Variants in STRADB observed in about 807,000 individuals in gnomAD.
STRADB encodes STE20-related kinase adapter protein beta.
A neutral mutation model predicts 52.1 loss-of-function variants in STRADB; 34 were observed. The observed-to-expected ratio is 0.65, with a 90% CI of 0.50 to 0.87. The LOEUF is 0.87. Ranked by LOEUF, STRADB falls within the 40% of genes least tolerant of loss-of-function variation. STRADB has a pLI of 0.00. For synonymous variants in STRADB, 133 were observed against 174.5 expected (o/e 0.76, Z 1.87); for missense variants, 340 against 483.9 (o/e 0.70, Z 2.79).
intron 3 of STRADB, among the ~76,000 whole-genome samples, chr2:201,466,588 A>G (rs1952308461): frequency 6.6e-6 from 1 of 152,226 alleles, no homozygotes; most frequent in South Asian, 2.1e-4. Flanking sequence ...AGATAGAATT[A>G]AATTTTATGT....
rs1952043134 is a variant in STRADB at position 201,451,758 on chromosome 2, G to A, written c.-276G>A. ...CGAATGCGTTCCCAGCGGGTAGCCTGGGACTGGTGCAGAGTTCCAAGCCCA... is the reference window on the plus strand; with the variant it reads ...CGAATGCGTTCCCAGCGGGTAGCCTAGGACTGGTGCAGAGTTCCAAGCCCA... On this transcript the variant is annotated 5_prime_UTR_variant, in exon 1 of 12. Transcript: ENST00000194530. The A allele has an allele frequency of 1.3e-5, 2 of 152,090 alleles. No individual in the cohort carries two copies. The highest frequency in any genetic ancestry group is 4.1e-4 in the South Asian group (2 of 4,842). The allele number at this position is 152,090 out of a possible 1,614,324, so 9.4% of individuals were successfully genotyped here.
rs1473435618 is a variant in STRADB at position 201,480,363 on chromosome 2, C to T, written c.*188C>T. 5.0e-6 allele frequency: 7 copies of T among 1,388,760 alleles called. No individual in the cohort carries two copies. Among genetic ancestry groups the T allele is most frequent in the East Asian group, 2.6e-5 (1 of 38,914 alleles). The allele number at this position is 1,388,760 out of a possible 1,614,324, so 86.0% of individuals were successfully genotyped here. On this transcript the variant is annotated 3_prime_UTR_variant, in exon 12 of 12. Transcript: ENST00000194530. ...TAGTCCCTCTGTTTCGCACAGAGTACTATGACAAGGAAACATCAGAATTAC... is the reference window on the plus strand; with the variant it reads ...TAGTCCCTCTGTTTCGCACAGAGTATTATGACAAGGAAACATCAGAATTAC...
chr2:201,456,153 C>T (rs1385579645), intron 2 of STRADB, among the ~76,000 whole-genome samples: 2 of 152,160 alleles, frequency 1.3e-5, no homozygotes, highest in African/African-American at 2.4e-5. Flanking sequence ...AGCATGAAAG[C>T]AGCCATAGGC....
chr2:201,479,827 G>A (rs1952542138), intron 11 of STRADB, among the ~76,000 whole-genome samples: 1 of 152,086 alleles, frequency 6.6e-6, no homozygotes, highest in Non-Finnish European at 1.5e-5. Context: ...AATGATGAAA[G>A]GGCAAAGTAA....
chr2:201,479,665 A>G, intron 11 of STRADB, 134 bp downstream of exon 11: 1 of 910,486 alleles, frequency 1.1e-6, no homozygotes. Flanking sequence ...AAAGTTAAAA[A>G]CAAGAAAACT....
chr2:201,480,330 C>G lies in STRADB; in HGVS notation c.*155C>G, dbSNP rs1952551233. 20 of 1,477,532 alleles carry G rather than the reference C, an allele frequency of 1.4e-5. No homozygotes were observed. The highest frequency in any genetic ancestry group is 1.8e-5 in the Non-Finnish European group (20 of 1,119,452). 91.5% of individuals were successfully genotyped at this position (1,477,532 alleles called of 1,614,324 possible). A position where few individuals can be genotyped will look rare whatever the true frequency, so the allele number is the denominator to read the frequency against. The stretch of plus-strand genomic sequence containing the variant: ...TAAAACCACTCTGTTCAAAGGGGCA[C>G]CAGTTTGTAGTCCCTCTGTTTCGCA... On this transcript the variant is annotated 3_prime_UTR_variant, in exon 12 of 12. Transcript: ENST00000194530.
intron 7 of STRADB, among the ~76,000 whole-genome samples, 184 bp downstream of exon 7, chr2:201,475,926 A>G (rs532697226): frequency 1.4e-4 from 21 of 152,170 alleles, no homozygotes; most frequent in Non-Finnish European, 2.4e-4. Context: ...TTCGCCAAAC[A>G]TGTTCAGACC....
chr2:201,457,018 A>T (rs1019802606), intron 2 of STRADB, among the ~76,000 whole-genome samples: 1 of 152,208 alleles, frequency 6.6e-6, no homozygotes, highest in Non-Finnish European at 1.5e-5. Flanking sequence ...ACAAAATTCC[A>T]GTCTCCCAGA....
Position 201,457,332 on chromosome 2 carries a change from A to G in STRADB, c.13-1452A>G, listed in dbSNP as rs374883242. On this transcript the variant is annotated intron_variant, in intron 2 of 11. Coordinates refer to ENST00000194530, the MANE Select transcript of STRADB (RefSeq NM_018571.6). ...GATATTTTCAATATGAACAACAGTAATAAGTATCTTCAAAAACTGTTTTAT... is the reference window on the plus strand; with the variant it reads ...GATATTTTCAATATGAACAACAGTAGTAAGTATCTTCAAAAACTGTTTTAT... 42 of 152,370 alleles carry G rather than the reference A, an allele frequency of 2.8e-4. 1 individual carries two copies. The East Asian group carries it at 5.6e-3, about 20-fold the overall frequency. 9.4% of individuals were successfully genotyped at this position (152,370 alleles called of 1,614,324 possible).
Position 201,478,396 on chromosome 2 carries a change from T to A in STRADB, c.865T>A (p.Leu289Met), listed in dbSNP as rs1447046787. ...QKLKGPPYSPLDISIFPQSES... is the reference protein window; with the variant it reads ...QKLKGPPYSPMDISIFPQSES... ...ACTGAAAGGTCCTCCTTATAGCCCATTGGATATCAGTATTTTCCCTCAATC... is the reference window on the plus strand; with the variant it reads ...ACTGAAAGGTCCTCCTTATAGCCCAATGGATATCAGTATTTTCCCTCAATC... The change falls in exon 10 of 12, where the codon TTG becomes ATG. Residue 289 changes from leucine (L) to methionine (M), a missense_variant. Transcript: ENST00000194530. The A allele has an allele frequency of 6.9e-5, 112 of 1,614,176 alleles. No homozygotes were observed. The highest frequency in any genetic ancestry group is 8.9e-5 in the Non-Finnish European group (105 of 1,180,036).
At chr2:201,475,777 T>A (rs777299833) in intron 7 of STRADB, 35 bp downstream of exon 7, 10 of 1,559,540 alleles carry the variant, frequency 6.4e-6, no homozygotes, top group African/African-American at 5.6e-5. Flanking sequence ...AATGAAATAA[T>A]TTTAATGGAA....
intron 3 of STRADB, among the ~76,000 whole-genome samples, chr2:201,466,919 AAAGGTATGTTTCACCAC>A (rs1952313287): frequency 6.6e-6 from 1 of 152,206 alleles, no homozygotes; most frequent in African/African-American, 2.4e-5. Context: ...AAACATACAG[AAAGGTATGTTTCACCAC>A]AAGTAAAAGT....
intron 4 of STRADB, among the ~76,000 whole-genome samples, chr2:201,470,542 C>T (rs1952373430): frequency 1.3e-5 from 2 of 152,264 alleles, no homozygotes; most frequent in East Asian, 1.9e-4. Flanking sequence ...TATTTAGAAA[C>T]ATCTATTAAA....
At chr2:201,465,704 C>G (rs1385871064) in intron 3 of STRADB, among the ~76,000 whole-genome samples, 1 of 152,222 alleles carries the variant, frequency 6.6e-6, no homozygotes, top group African/African-American at 2.4e-5. Flanking sequence ...ATGGCCTAGA[C>G]TACCTTTCAA....
Position 201,475,351 on chromosome 2 carries a change from A to AT in STRADB, c.425-268_425-267insT, listed in dbSNP as rs1322720994. ...TTGCTTCTGGATTTAAGAAAAAAAA[A>AT]AATATATATATATACACACAGAATG... On this transcript the variant is annotated intron_variant, in intron 6 of 11. Coordinates refer to ENST00000194530, the MANE Select transcript of STRADB (RefSeq NM_018571.6). Among the ~76,000 whole-genome samples, 186 of 151,654 alleles carry AT rather than the reference A, an allele frequency of 1.2e-3. 1 individual carries two copies. Among genetic ancestry groups the AT allele is most frequent in the East Asian group, 6.2e-3 (32 of 5,188 alleles).
chr2:201,465,776 G>T (rs936964023), intron 3 of STRADB, among the ~76,000 whole-genome samples: 1 of 152,216 alleles, frequency 6.6e-6, no homozygotes, highest in Non-Finnish European at 1.5e-5. Flanking sequence ...CTGGAATTCA[G>T]GTTCCAGCTG....
chr2:201,465,940 G>A (rs1369380715), intron 3 of STRADB, among the ~76,000 whole-genome samples: 1 of 152,214 alleles, frequency 6.6e-6, no homozygotes, highest in Non-Finnish European at 1.5e-5. Flanking sequence ...CTCCCCGGGG[G>A]ATGCGGGAGG....
chr2:201,477,517 A>G (rs1207304296), intron 7 of STRADB, 102 bp from the exon 8 acceptor site: 1 of 1,200,298 alleles, frequency 8.3e-7, no homozygotes, highest in Non-Finnish European at 1.2e-6. Flanking sequence ...TGTAAAGGGT[A>G]TTTAATTTCC....
chr2:201,457,743 G>A (rs1952148119), intron 2 of STRADB, among the ~76,000 whole-genome samples: 1 of 152,168 alleles, frequency 6.6e-6, no homozygotes, highest in African/African-American at 2.4e-5. Flanking sequence ...TTCTGAAATG[G>A]CTGTGGTGGC....
Sources: allele counts gnomAD v4.1 joint callset (sites outside exome capture counted in the v4.1 genomes callset), GRCh38; gene constraint gnomAD v4.1.1; transcripts MANE v1.5; gene names NCBI Gene and HGNC (gene_info 2026-07-23, HGNC 2026-07-21).